Variants in MSRB3 observed in about 807,000 individuals in gnomAD.
The protein encoded by MSRB3 is methionine-R-sulfoxide reductase B3.
In MSRB3, 13 loss-of-function variants were observed where a neutral mutation model predicts 21.0. That is an observed-to-expected ratio of 0.62 (90% CI 0.40 to 0.98). The LOEUF is 0.98. Among genes scored for constraint, MSRB3 ranks in the 50% least tolerant of loss-of-function variants. The pLI, the probability that MSRB3 is intolerant of heterozygous loss-of-function variation, is 0.00. For missense variants in MSRB3, 199 were observed against 230.3 expected (o/e 0.86, Z 0.88); for synonymous variants, 87 against 88.6 (o/e 0.98, Z 0.10).
At chr12:65,407,174 T>A (rs1458787703) in intron 5 of MSRB3, among the ~76,000 whole-genome samples, 1 of 152,196 alleles carries the variant, frequency 6.6e-6, no homozygotes, top group Non-Finnish European at 1.5e-5. Context: ...GTCTATTGAC[T>A]TTTGACATAG....
chr12:65,280,586 T>C (rs891230455), intron 1 of MSRB3, among the ~76,000 whole-genome samples: 4 of 152,174 alleles, frequency 2.6e-5, no homozygotes, highest in Non-Finnish European at 4.4e-5. Flanking sequence ...TTAATTCCGG[T>C]CCCAGCTGAT....
At chr12:65,445,138 T>C (rs1034596873) in intron 5 of MSRB3, among the ~76,000 whole-genome samples, 8 of 152,160 alleles carry the variant, frequency 5.3e-5, no homozygotes, top group African/African-American at 1.9e-4. Context: ...CTAGTAATAA[T>C]GTGATCCTGC....
At chr12:65,335,408 A>G (rs564680600) in intron 4 of MSRB3, among the ~76,000 whole-genome samples, 1 of 152,186 alleles carries the variant, frequency 6.6e-6, no homozygotes, top group African/African-American at 2.4e-5. Flanking sequence ...TACATTTCAC[A>G]TGAGCCTCCT....
chr12:65,403,691 A>T (rs1272207081), intron 5 of MSRB3, among the ~76,000 whole-genome samples: 1 of 152,066 alleles, frequency 6.6e-6, no homozygotes, highest in African/African-American at 2.4e-5. Flanking sequence ...GTCTGCCCAA[A>T]TGGCCACCCA....
chr12:65,332,245 T>C (rs1875471488), intron 4 of MSRB3, among the ~76,000 whole-genome samples: 2 of 152,066 alleles, frequency 1.3e-5, no homozygotes, highest in Non-Finnish European at 2.9e-5. Flanking sequence ...AGGGGCCCTG[T>C]AGGTAATTGG....
chr12:65,278,987 C>G (rs1259141965), intron 1 of MSRB3, 122 bp downstream of exon 1: 2 of 1,491,558 alleles, frequency 1.3e-6, no homozygotes, highest in Non-Finnish European at 1.8e-6. Context: ...CCTCGGCCAC[C>G]TGCGGGGACA....
At chr12:65,288,318 A>T (rs1246463420) in intron 1 of MSRB3, among the ~76,000 whole-genome samples, 1 of 152,112 alleles carries the variant, frequency 6.6e-6, no homozygotes, top group Admixed American at 6.5e-5. Flanking sequence ...AAAAAAAAAA[A>T]AAAAAGATTC....
intron 5 of MSRB3, among the ~76,000 whole-genome samples, chr12:65,407,159 T>TTATA (rs2136616358): frequency 6.6e-6 from 1 of 152,256 alleles, no homozygotes; most frequent in Non-Finnish European, 1.5e-5. Flanking sequence ...ATCTATGCAT[T>TTATA]TATAGTCTAT....
At chr12:65,296,986 A>T (rs1280830267) in intron 1 of MSRB3, among the ~76,000 whole-genome samples, 1 of 152,250 alleles carries the variant, frequency 6.6e-6, no homozygotes, top group African/African-American at 2.4e-5. Context: ...CCCAGAAGAG[A>T]TAATACCTAA....
At position 65,308,669 on chromosome 12, in the gene MSRB3, GTAC is replaced by G; in HGVS notation, c.76+16_76+18del. On this transcript the variant is annotated intron_variant, in intron 2 of 6. Transcript: ENST00000308259. Reference sequence around the variant, plus strand: ...GGCTTCCCTCAGGTTGCTGCTTGTTGTACTGTACATAGTGAAGGCACAGGGCCA... The same window carrying G: ...GGCTTCCCTCAGGTTGCTGCTTGTTGTGTACATAGTGAAGGCACAGGGCCA... 6.2e-7 allele frequency: 1 copy of G among 1,613,838 alleles called. No individual in the cohort carries two copies. Among genetic ancestry groups the G allele is most frequent in the African/African-American group, 1.3e-5 (1 of 75,004 alleles).
chr12:65,431,830 T>A (rs1033182691), intron 5 of MSRB3, among the ~76,000 whole-genome samples: 23 of 152,140 alleles, frequency 1.5e-4, no homozygotes, highest in Non-Finnish European at 2.6e-4. Flanking sequence ...CTTCTGTTTA[T>A]AAATGGCAGT....
intron 5 of MSRB3, among the ~76,000 whole-genome samples, chr12:65,396,931 T>C (rs1879851034): frequency 6.6e-6 from 1 of 152,180 alleles, no homozygotes; most frequent in African/African-American, 2.4e-5. Context: ...TTCTACCTGC[T>C]GGGTCTGTCC....
At chr12:65,309,708 G>A (rs894907634) in intron 2 of MSRB3, among the ~76,000 whole-genome samples, 2 of 152,178 alleles carry the variant, frequency 1.3e-5, no homozygotes, top group African/African-American at 4.8e-5. Context: ...TATGGTGCTT[G>A]AGCTGAATCT....
At chr12:65,454,812 C>T (rs1022629628) in intron 6 of MSRB3, among the ~76,000 whole-genome samples, 1 of 152,160 alleles carries the variant, frequency 6.6e-6, no homozygotes, top group Non-Finnish European at 1.5e-5. Flanking sequence ...AATAGTTAAT[C>T]TGACACCCAC....
chr12:65,331,597 A>T (rs565794768), intron 4 of MSRB3, among the ~76,000 whole-genome samples: 1 of 152,224 alleles, frequency 6.6e-6, no homozygotes, highest in African/African-American at 2.4e-5. Context: ...ATCTCAGTGG[A>T]GGCGCTCCAC....
In MSRB3 at chr12:65,378,271, A is replaced by C. The variant is rs368010669; in HGVS notation, c.292+9245A>C. On this transcript the variant is annotated intron_variant, in intron 5 of 6. Transcript: ENST00000308259. ...TGATCCTTTAAACCAAGGATCATAC[A>C]AAAATAGAATACTATGTTCTATATA... Among the ~76,000 whole-genome samples the C allele has an allele frequency of 2.0e-5, 3 of 152,246 alleles. No homozygotes were observed. The East Asian group carries it at 5.8e-4, about 29-fold the overall frequency.
At chr12:65,333,571 A>C (rs1053729641) in intron 4 of MSRB3, among the ~76,000 whole-genome samples, 1 of 152,086 alleles carries the variant, frequency 6.6e-6, no homozygotes, top group Non-Finnish European at 1.5e-5. Flanking sequence ...ATGGCTGGGG[A>C]GTTACAGGGG....
At chr12:65,314,026 A>G (rs1874146027) in intron 2 of MSRB3, among the ~76,000 whole-genome samples, 1 of 152,172 alleles carries the variant, frequency 6.6e-6, no homozygotes, top group Non-Finnish European at 1.5e-5. Context: ...ATGGATTTAT[A>G]ATCCACAAAT....
intron 5 of MSRB3, among the ~76,000 whole-genome samples, chr12:65,417,422 T>A (rs1339651664): frequency 6.6e-6 from 1 of 152,220 alleles, no homozygotes; most frequent in Non-Finnish European, 1.5e-5. Flanking sequence ...GGTGTTCTGA[T>A]ATAGGTATGT....
Sources: gnomAD v4.1 joint callset for allele counts (sites outside exome capture counted in the v4.1 genomes callset) on GRCh38, gnomAD v4.1.1 for gene constraint, MANE v1.5 for transcripts, NCBI Gene and HGNC (gene_info 2026-07-23, HGNC 2026-07-21) for gene names.